Variants in PLCB4 observed in about 807,000 individuals in gnomAD.
PLCB4 encodes 1-phosphatidylinositol 4,5-bisphosphate phosphodiesterase beta-4.
Under a neutral mutation model 178.8 loss-of-function variants are expected in PLCB4, and 77 were observed. The ratio of observed to expected loss-of-function variants is 0.43; its 90% CI spans 0.36 to 0.52. PLCB4 has a LOEUF of 0.52. Ranked by LOEUF, PLCB4 falls within the 20% of genes least tolerant of loss-of-function variation. The pLI is 0.00. For missense variants in PLCB4, 1,024 were observed against 1,453.4 expected (o/e 0.70, Z 4.80); for synonymous variants, 496 against 490.8 (o/e 1.01, Z -0.14).
chr20:9,250,847 A>G (rs1282278632), intron 3 of PLCB4, among the ~76,000 whole-genome samples: 2 of 152,240 alleles, frequency 1.3e-5, no homozygotes, highest in African/African-American at 4.8e-5. Flanking sequence ...GAACTGAATA[A>G]TGCAGCATTT....
At chr20:9,242,088 A>AGGTGCT (rs2094069977) in intron 3 of PLCB4, among the ~76,000 whole-genome samples, 1 of 152,198 alleles carries the variant, frequency 6.6e-6, no homozygotes, top group African/African-American at 2.4e-5. Context: ...CTGCAGGTGC[A>AGGTGCT]GGTGCTGTTT....
At chr20:9,317,018 A>G (rs975262834) in intron 4 of PLCB4, among the ~76,000 whole-genome samples, 27 of 152,168 alleles carry the variant, frequency 1.8e-4, no homozygotes, top group African/African-American at 6.0e-4. Flanking sequence ...GGGACCACAT[A>G]TTAAATAGTT....
intron 2 of PLCB4, among the ~76,000 whole-genome samples, chr20:9,105,129 G>A (rs1336152674): frequency 6.6e-6 from 1 of 152,090 alleles, no homozygotes; most frequent in Non-Finnish European, 1.5e-5. Flanking sequence ...TACTATGATT[G>A]TTGATTAAAA....
intron 2 of PLCB4, among the ~76,000 whole-genome samples, chr20:9,130,679 T>C (rs747716702): frequency 1.3e-5 from 2 of 152,200 alleles, no homozygotes; most frequent in Non-Finnish European, 2.9e-5. Flanking sequence ...CTTATCTGAT[T>C]TCATATACTG....
At chr20:9,362,758 T>C (rs1047357384) in intron 7 of PLCB4, 138 bp from the exon 8 acceptor site, 33 of 634,998 alleles carry the variant, frequency 5.2e-5, no homozygotes, top group Non-Finnish European at 8.5e-5. Context: ...AAAATATAGA[T>C]GGCTGTGTGA....
intron 24 of PLCB4, 74 bp from the exon 25 acceptor site, chr20:9,410,963 T>A (rs1438603019): frequency 1.1e-5 from 11 of 1,023,722 alleles, no homozygotes; most frequent in Non-Finnish European, 1.7e-5. Flanking sequence ...TGATACCTAT[T>A]GTTTCAAATC....
chr20:9,442,751 G>A (rs911072933), intron 30 of PLCB4, among the ~76,000 whole-genome samples: 1 of 152,114 alleles, frequency 6.6e-6, no homozygotes, highest in African/African-American at 2.4e-5. Flanking sequence ...AGCCAACTTA[G>A]GAGATCAGTA....
intron 2 of PLCB4, among the ~76,000 whole-genome samples, chr20:9,138,505 C>G (rs2092427810): frequency 6.6e-6 from 1 of 152,028 alleles, no homozygotes; most frequent in South Asian, 2.1e-4. Context: ...AGAAGACCCA[C>G]TGGTATCTTC....
At chr20:9,440,979 A>G (rs1479482583) in intron 30 of PLCB4, among the ~76,000 whole-genome samples, 2 of 152,198 alleles carry the variant, frequency 1.3e-5, no homozygotes, top group African/African-American at 2.4e-5. Flanking sequence ...AGCAGTGTTA[A>G]CATCCCGTTT....
intron 2 of PLCB4, among the ~76,000 whole-genome samples, chr20:9,158,577 GTTT>G (rs373471121): frequency 2.2e-5 from 3 of 133,376 alleles, no homozygotes; most frequent in Admixed American, 1.5e-4. Context: ...CCACTCTCAC[GTTT>G]TTTTTTTTTT....
In PLCB4 at chr20:9,246,913, T is replaced by A. The variant is rs78157966; in HGVS notation, c.-16+29461T>A. 6.6e-3 allele frequency among the ~76,000 whole-genome samples: 1,011 copies of A among 152,266 alleles called. 15 individuals are homozygous for A. Among genetic ancestry groups the A allele is most frequent in the African/African-American group, 0.023 (940 of 41,554 alleles). On this transcript the variant is annotated intron_variant, in intron 3 of 39. Transcript: ENST00000378473. ...ATACCTAGAACAAAACATATAGGAT[T>A]ACCAAAGAAATCAGTTGTATTGCAC...
At chr20:9,298,583 A>G (rs2094667019) in intron 3 of PLCB4, among the ~76,000 whole-genome samples, 1 of 152,104 alleles carries the variant, frequency 6.6e-6, no homozygotes, top group Admixed American at 6.6e-5. Context: ...ATGTCATCTA[A>G]TACATTTATA....
At chr20:9,187,931 A>T (rs2093350737) in intron 2 of PLCB4, among the ~76,000 whole-genome samples, 1 of 152,182 alleles carries the variant, frequency 6.6e-6, no homozygotes, top group Non-Finnish European at 1.5e-5. Context: ...TTTAATACAA[A>T]ATGGGTTATA....
At chr20:9,213,062 G>A (rs753087172) in intron 2 of PLCB4, among the ~76,000 whole-genome samples, 18 of 150,748 alleles carry the variant, frequency 1.2e-4, no homozygotes, top group Non-Finnish European at 1.5e-5. Flanking sequence ...GCCTGTAGTG[G>A]ACATTTCATA....
intron 10 of PLCB4, 83 bp from the exon 11 acceptor site, chr20:9,372,220 A>C (rs1284137618): frequency 1.0e-5 from 8 of 768,300 alleles, no homozygotes; most frequent in Non-Finnish European, 1.8e-5. Context: ...AGTGGTCTTC[A>C]CTGTGCTTCA....
At chr20:9,130,376 G>A (rs1052729363) in intron 2 of PLCB4, among the ~76,000 whole-genome samples, 1 of 152,168 alleles carries the variant, frequency 6.6e-6, no homozygotes, top group Non-Finnish European at 1.5e-5. Flanking sequence ...TGTGTATGAT[G>A]CAGTAGATGC....
At chr20:9,314,083 G>A (rs1428837281) in intron 4 of PLCB4, among the ~76,000 whole-genome samples, 2 of 152,182 alleles carry the variant, frequency 1.3e-5, no homozygotes, top group Non-Finnish European at 2.9e-5. Flanking sequence ...GAGTATGACA[G>A]CACATTCTAT....
intron 6 of PLCB4, 60 bp downstream of exon 6, chr20:9,338,127 T>A: frequency 8.9e-7 from 1 of 1,126,662 alleles, no homozygotes. Flanking sequence ...GAAATGGCCA[T>A]GGCTTCTAGA....
intron 3 of PLCB4, among the ~76,000 whole-genome samples, chr20:9,228,202 G>A (rs779823994): frequency 1.1e-4 from 17 of 152,172 alleles, no homozygotes; most frequent in Admixed American, 2.0e-4. Flanking sequence ...ATGTTTGCCT[G>A]TACTAGTTAT....
Sources: allele counts gnomAD v4.1 joint callset (sites outside exome capture counted in the v4.1 genomes callset), GRCh38; gene constraint gnomAD v4.1.1; transcripts MANE v1.5; gene names NCBI Gene and HGNC (gene_info 2026-07-23, HGNC 2026-07-21).